The following EIF4G3 variants were observed in gnomAD, a reference collection of about 807,000 sequenced individuals.
EIF4G3 encodes the protein eIF-4-gamma 3.
In EIF4G3, 34 loss-of-function variants were observed where a neutral mutation model predicts 186.4. The observed-to-expected ratio is 0.18, with a 90% CI of 0.14 to 0.24. EIF4G3 has a LOEUF of 0.24. Among genes scored for constraint, EIF4G3 ranks in the 10% least tolerant of loss-of-function variants. The probability of loss-of-function intolerance (pLI) is 1.00; values close to 1 mark genes in which losing one functional copy is unlikely to be tolerated. For missense variants in EIF4G3, 1,536 were observed against 1,948.5 expected, an observed-to-expected ratio of 0.79 and a Z score of 3.99; for synonymous variants, 673 against 679.5, an observed-to-expected ratio of 0.99 and a Z score of 0.15.
intron 12 of EIF4G3, among the ~76,000 whole-genome samples, chr1:20,956,920 C>A (rs957790354): frequency 6.6e-6 from 1 of 152,100 alleles, no homozygotes; most frequent in African/African-American, 2.4e-5. Context: ...TAGTTTATAA[C>A]GAAGGGGTCA....
intron 12 of EIF4G3, among the ~76,000 whole-genome samples, chr1:20,955,610 A>T (rs980727814): frequency 4.6e-5 from 7 of 152,168 alleles, no homozygotes; most frequent in Non-Finnish European, 1.0e-4. Context: ...ACAAGAATGC[A>T]ATTTTCAAGG....
intron 6 of EIF4G3, 66 bp from the exon 7 acceptor site, chr1:20,997,699 A>C (rs1433349333): frequency 1.5e-6 from 2 of 1,357,042 alleles, no homozygotes; most frequent in Non-Finnish European, 2.0e-6. Flanking sequence ...CCACAACAAA[A>C]ACCAAAATTT....
chr1:20,916,145 T>C (rs1223593114), intron 14 of EIF4G3, among the ~76,000 whole-genome samples: 4 of 151,982 alleles, frequency 2.6e-5, no homozygotes, highest in Non-Finnish European at 1.5e-5. Flanking sequence ...AAAAAACCTA[T>C]ACACTAGAAA....
chr1:20,993,391 T>C (rs1464639674), intron 7 of EIF4G3, among the ~76,000 whole-genome samples: 1 of 152,136 alleles, frequency 6.6e-6, no homozygotes, highest in East Asian at 1.9e-4. Flanking sequence ...AGTAACTCCA[T>C]CTTACACAGA....
intron 2 of EIF4G3, among the ~76,000 whole-genome samples, chr1:21,170,011 C>T (rs2097923911): frequency 6.6e-6 from 1 of 152,080 alleles, no homozygotes; most frequent in South Asian, 2.1e-4. Context: ...CCCGCCTCTA[C>T]TAAAAATACA....
At chr1:20,922,740 G>A (rs1031968469) in intron 14 of EIF4G3, among the ~76,000 whole-genome samples, 68 of 152,166 alleles carry the variant, frequency 4.5e-4, no homozygotes, top group African/African-American at 1.4e-3. Context: ...CACTTAGTGT[G>A]CACCCTTGCT....
At chr1:20,835,829 T>G (rs575232529) in intron 30 of EIF4G3, among the ~76,000 whole-genome samples, 1 of 151,586 alleles carries the variant, frequency 6.6e-6, no homozygotes, top group East Asian at 1.9e-4. Flanking sequence ...CCCAGCTACT[T>G]GAGAGGTTGA....
intron 12 of EIF4G3, among the ~76,000 whole-genome samples, chr1:20,961,567 T>G (rs933861356): frequency 6.6e-6 from 1 of 152,168 alleles, no homozygotes; most frequent in African/African-American, 2.4e-5. Flanking sequence ...TAAACTATAG[T>G]CACCTTACTG....
chr1:21,023,228 T>TCCCTCC (rs1437435357), intron 4 of EIF4G3, among the ~76,000 whole-genome samples: 3 of 82,478 alleles, frequency 3.6e-5, no homozygotes, highest in African/African-American at 1.4e-4. Context: ...GCTCTCCCTC[T>TCCCTCC]CCCTCCCCCT....
At chr1:21,007,437 A>T (rs1171882854) in intron 4 of EIF4G3, among the ~76,000 whole-genome samples, 3 of 145,044 alleles carry the variant, frequency 2.1e-5, no homozygotes, top group African/African-American at 7.5e-5. Context: ...CCACATTTTA[A>T]ACATGCTTAT....
At chr1:21,007,515 T>TAAA (rs368328382) in intron 4 of EIF4G3, among the ~76,000 whole-genome samples, 20 of 14,878 alleles carry the variant, frequency 1.3e-3, no homozygotes, top group South Asian at 4.3e-3. Context: ...GGCCCCTCCT[T>TAAA]AAAAAAAAAA....
chr1:20,862,382 A>G (rs2076561413), intron 22 of EIF4G3, 50 bp from the exon 23 acceptor site: 1 of 1,105,912 alleles, frequency 9.0e-7, no homozygotes, highest in African/African-American at 1.6e-5. Context: ...CTTAAACGTA[A>G]TTTTACCAAT....
intron 33 of EIF4G3, among the ~76,000 whole-genome samples, chr1:20,820,656 G>A (rs966464880): frequency 6.6e-6 from 1 of 152,114 alleles, no homozygotes; most frequent in Non-Finnish European, 1.5e-5. Flanking sequence ...TGGACCAATT[G>A]GCATGCATTT....
intron 7 of EIF4G3, among the ~76,000 whole-genome samples, chr1:20,990,872 A>G (rs76942479): frequency 5.3e-5 from 8 of 152,314 alleles, no homozygotes; most frequent in Non-Finnish European, 1.0e-4. Context: ...AGGCATGCCT[A>G]TATTTATTAA....
chr1:20,974,144 AG>A (rs1445742034), intron 10 of EIF4G3, among the ~76,000 whole-genome samples: 3 of 152,244 alleles, frequency 2.0e-5, no homozygotes, highest in African/African-American at 4.8e-5. Context: ...GGTGCTTACC[AG>A]ATCTTCAAAT....
chr1:20,943,463 G>A lies in EIF4G3; in HGVS notation c.824-1133C>T, dbSNP rs1451739940. 4.6e-5 allele frequency among the ~76,000 whole-genome samples: 7 copies of A among 152,256 alleles called. No homozygotes were observed. In the East Asian group the frequency reaches 1.4e-3, roughly 29 times the overall value. On this transcript the variant is annotated intron_variant, in intron 13 of 36. Coordinates refer to ENST00000602326, the MANE Select transcript of EIF4G3 (RefSeq NM_001391906.1). Reference sequence around the variant, plus strand: ...CCACATTTTTATTAATAAATTCCAGGTAAATTGATATGTGATTCATCCCTG... The same window carrying A: ...CCACATTTTTATTAATAAATTCCAGATAAATTGATATGTGATTCATCCCTG...
intron 20 of EIF4G3, among the ~76,000 whole-genome samples, chr1:20,869,704 G>A (rs2078616254): frequency 6.6e-6 from 1 of 150,612 alleles, no homozygotes; most frequent in Non-Finnish European, 1.5e-5. Context: ...GAACCCGGGA[G>A]GCGAAGCTTG....
In EIF4G3 at chr1:20,879,510, C is replaced by A; in HGVS notation, c.2435G>T (p.Arg812Ile). ...PENIKTQELF[R>I]KVRSILNKLT... ...TTTATTTAAGATACTTCGAACTTTT[C>A]TAAAAAGCTCCTAGAAGGGCCACAA... Residue 812 changes from arginine to isoleucine, a missense_variant, in exon 20 of 37, where the codon AGA (arginine) becomes ATA (isoleucine). Arg to Ile is a moderately conservative substitution (Grantham distance 97, BLOSUM62 -3). Coordinates refer to ENST00000602326, the MANE Select transcript of EIF4G3 (RefSeq NM_001391906.1). The A allele has an allele frequency of 1.4e-6, 2 of 1,426,570 alleles. No homozygotes were observed. Among genetic ancestry groups the A allele is most frequent in the South Asian group, 1.7e-5 (1 of 58,652 alleles). The allele number at this position is 1,426,570 out of a possible 1,614,324, so 88.4% of individuals were successfully genotyped here.
At chr1:20,862,196 G>T in intron 23 of EIF4G3, 32 bp downstream of exon 23, 2 of 1,306,048 alleles carry the variant, frequency 1.5e-6, no homozygotes, top group Non-Finnish European at 2.2e-6. Flanking sequence ...GACTGGACCA[G>T]CAGGCTTATT....
Sources: gnomAD v4.1 joint callset for allele counts (sites outside exome capture counted in the v4.1 genomes callset) on GRCh38, gnomAD v4.1.1 for gene constraint, MANE v1.5 for transcripts, NCBI Gene and HGNC (gene_info 2026-07-23, HGNC 2026-07-21) for gene names.